Variants in NRF1 observed in about 807,000 individuals in gnomAD.
NRF1 encodes the protein alpha palindromic-binding protein.
Under a neutral mutation model 58.5 loss-of-function variants are expected in NRF1, and 5 were observed. The ratio of observed to expected loss-of-function variants is 0.09; its 90% CI spans 0.04 to 0.18. The LOEUF is 0.18. NRF1 is among the 10% of genes least tolerant of loss of function. The pLI, the probability that NRF1 is intolerant of heterozygous loss-of-function variation, is 1.00. For synonymous variants in NRF1, 224 were observed against 246.7 expected (o/e 0.91, Z 0.86); for missense variants, 288 against 657.7 (o/e 0.44, Z 6.15).
intron 5 of NRF1, among the ~76,000 whole-genome samples, chr7:129,696,486 G>C (rs758982950): frequency 6.6e-6 from 1 of 152,108 alleles, no homozygotes; most frequent in Non-Finnish European, 1.5e-5. Context: ...TTATTTTATA[G>C]TCAAGGAAGC....
intron 2 of NRF1, among the ~76,000 whole-genome samples, chr7:129,665,633 G>GT (rs924214975): frequency 6.6e-6 from 1 of 151,782 alleles, no homozygotes. Flanking sequence ...GTTGTTGTTG[G>GT]TTTTTTTTGA....
At chr7:129,617,231 A>T (rs76616362) in intron 1 of NRF1, among the ~76,000 whole-genome samples, 3,538 of 152,224 alleles carry the variant, frequency 0.023, 141 homozygotes, top group African/African-American at 0.082. Context: ...TTTTTTTTAA[A>T]AAGAGCATGT....
chr7:129,645,064 T>A (rs1801374444), intron 1 of NRF1, among the ~76,000 whole-genome samples: 1 of 150,222 alleles, frequency 6.7e-6, no homozygotes, highest in Non-Finnish European at 1.5e-5. Flanking sequence ...AAAAAAAAAA[T>A]CATGTAACTG....
chr7:129,670,777 T>A (rs1802030240), intron 2 of NRF1, among the ~76,000 whole-genome samples: 1 of 152,240 alleles, frequency 6.6e-6, no homozygotes, highest in South Asian at 2.1e-4. Flanking sequence ...CCAGACTAAC[T>A]TTTATTAACA....
At chr7:129,697,272 G>C (rs542340415) in intron 5 of NRF1, among the ~76,000 whole-genome samples, 2 of 151,604 alleles carry the variant, frequency 1.3e-5, no homozygotes, top group East Asian at 3.9e-4. Flanking sequence ...AGCCGGGCGC[G>C]GTGGCTCACG....
intron 10 of NRF1, chr7:129,735,301 G>A (rs1053452542): frequency 4.2e-5 from 38 of 901,008 alleles, no homozygotes; most frequent in South Asian, 2.0e-4. Context: ...GGATGCCGAC[G>A]CGGGCGGATC....
chr7:129,641,215 G>C (rs1485665574), intron 1 of NRF1, among the ~76,000 whole-genome samples: 1 of 152,060 alleles, frequency 6.6e-6, no homozygotes, highest in East Asian at 1.9e-4. Context: ...TGAAGTTTTT[G>C]ATGTGAAAAA....
intron 1 of NRF1, among the ~76,000 whole-genome samples, chr7:129,653,955 G>A (rs910366763): frequency 6.6e-6 from 1 of 152,200 alleles, no homozygotes; most frequent in African/African-American, 2.4e-5. Flanking sequence ...TTTTTATGTG[G>A]ATGTAAGTTT....
intron 10 of NRF1, among the ~76,000 whole-genome samples, chr7:129,748,717 T>A (rs993303855): frequency 3.9e-5 from 6 of 152,256 alleles, no homozygotes; most frequent in Non-Finnish European, 7.3e-5. Context: ...TATTTTAAGA[T>A]GTTAACCATG....
chr7:129,674,000 G>T (rs1366816684), intron 3 of NRF1, among the ~76,000 whole-genome samples: 1 of 151,736 alleles, frequency 6.6e-6, no homozygotes, highest in African/African-American at 2.4e-5. Context: ...TATAAGCCAG[G>T]CATGGTGGCA....
chr7:129,654,305 T>A (rs1171331881), intron 1 of NRF1, among the ~76,000 whole-genome samples: 1 of 152,246 alleles, frequency 6.6e-6, no homozygotes, highest in Non-Finnish European at 1.5e-5. Context: ...TGCCCTTTTT[T>A]AAATTGGGTT....
At chr7:129,727,497 G>GTCTA in intron 10 of NRF1, 132 bp downstream of exon 10, 1 of 825,328 alleles carries the variant, frequency 1.2e-6, no homozygotes, top group Non-Finnish European at 1.8e-6. Context: ...GACATTTCAT[G>GTCTA]CCTAGGAATA....
At chr7:129,715,862 G>A (rs78064447) in intron 8 of NRF1, among the ~76,000 whole-genome samples, 6,480 of 152,172 alleles carry the variant, frequency 0.043, 167 homozygotes, top group Middle Eastern at 0.12. Flanking sequence ...AAATTAGCTG[G>A]GTGTGGTGGT....
At chr7:129,663,806 G>A (rs936365657) in intron 2 of NRF1, among the ~76,000 whole-genome samples, 3 of 152,210 alleles carry the variant, frequency 2.0e-5, no homozygotes, top group African/African-American at 7.2e-5. Flanking sequence ...AGCGAGCCAA[G>A]ATCACGCCAC....
intron 1 of NRF1, among the ~76,000 whole-genome samples, chr7:129,634,029 T>TTA (rs1233375863): frequency 9.0e-6 from 1 of 110,794 alleles, no homozygotes; most frequent in African/African-American, 3.8e-5. Context: ...CATCTGTATT[T>TTA]AAAAAAAAAA....
chr7:129,652,043 T>C (rs890824023), intron 1 of NRF1, among the ~76,000 whole-genome samples: 4 of 152,198 alleles, frequency 2.6e-5, no homozygotes, highest in Non-Finnish European at 4.4e-5. Flanking sequence ...TTTGATTATC[T>C]ACATAGAAAC....
At chr7:129,648,437 G>A (rs564096583) in intron 1 of NRF1, among the ~76,000 whole-genome samples, 6 of 151,566 alleles carry the variant, frequency 4.0e-5, no homozygotes, top group African/African-American at 9.7e-5. Context: ...CCGCCACCAC[G>A]CCCGGCTAAC....
At chr7:129,627,801 A>G (rs1360221205) in intron 1 of NRF1, among the ~76,000 whole-genome samples, 1 of 152,184 alleles carries the variant, frequency 6.6e-6, no homozygotes, top group African/African-American at 2.4e-5. Context: ...TTGATTTAAC[A>G]CATTATCTTG....
In NRF1 at chr7:129,625,443, G is replaced by C. The variant is rs185139164; in HGVS notation, c.-7+13619G>C. The stretch of plus-strand genomic sequence containing the variant: ...TCACTTACTAAGTTTGCAACCTTGA[G>C]CATGTTATTTAACTTTTCTGAGTCT... On this transcript the variant is annotated intron_variant, in intron 1 of 10. Transcript: ENST00000393232. Among the ~76,000 whole-genome samples, 1,118 of 152,090 alleles carry C rather than the reference G, an allele frequency of 7.4e-3. 5 individuals are homozygous for C. The highest frequency in any genetic ancestry group is 9.9e-3 in the Non-Finnish European group (671 of 67,972).
Sources: gnomAD v4.1 joint callset for allele counts (sites outside exome capture counted in the v4.1 genomes callset) on GRCh38, gnomAD v4.1.1 for gene constraint, MANE v1.5 for transcripts, NCBI Gene and HGNC (gene_info 2026-07-23, HGNC 2026-07-21) for gene names.